MYH15: variants seen among roughly 807,000 people sequenced by gnomAD.
The protein encoded by MYH15 is myosin heavy chain 15.
A neutral mutation model predicts 240.5 loss-of-function variants in MYH15; 227 were observed. The ratio of observed to expected loss-of-function variants is 0.94; its 90% CI spans 0.85 to 1.05. The LOEUF (loss-of-function observed/expected upper bound fraction) is 1.05, where lower values mean the gene tolerates loss of function less well. Among genes scored for constraint, MYH15 ranks in the 50% least tolerant of loss-of-function variants. The probability of loss-of-function intolerance (pLI) is 0.00; values close to 1 mark genes in which losing one functional copy is unlikely to be tolerated. For missense variants in MYH15, 2,217 were observed against 2,247.5 expected, an observed-to-expected ratio of 0.99 and a Z score of 0.27; for synonymous variants, 785 against 796.7, an observed-to-expected ratio of 0.99 and a Z score of 0.25.
chr3:108,505,392 T>C (rs926872601), intron 2 of MYH15, among the ~76,000 whole-genome samples: 4 of 151,974 alleles, frequency 2.6e-5, no homozygotes, highest in African/African-American at 9.7e-5. Context: ...ACCTCAGCCT[T>C]CCAAGTAGCT....
chr3:108,386,436 T>C (rs2082384622), intron 38 of MYH15, among the ~76,000 whole-genome samples: 1 of 152,110 alleles, frequency 6.6e-6, no homozygotes, highest in Non-Finnish European at 1.5e-5. Flanking sequence ...CTGCAGTGCC[T>C]TTGGGACCCG....
At chr3:108,397,698 G>A (rs1035950609) in intron 35 of MYH15, among the ~76,000 whole-genome samples, 5 of 152,176 alleles carry the variant, frequency 3.3e-5, no homozygotes, top group Non-Finnish European at 7.3e-5. Flanking sequence ...CTTGCTTCGT[G>A]TCACTTACAT....
chr3:108,486,787 T>TA (rs3054263), intron 9 of MYH15, among the ~76,000 whole-genome samples: 60 of 150,384 alleles, frequency 4.0e-4, no homozygotes, highest in East Asian at 1.7e-3. Flanking sequence ...TCAATTGGTG[T>TA]AAAAAAAAAC....
chr3:108,417,836 CTT>C (rs2082647194), intron 28 of MYH15, among the ~76,000 whole-genome samples: 2 of 151,596 alleles, frequency 1.3e-5, no homozygotes, highest in African/African-American at 4.8e-5. Flanking sequence ...CATATACACA[CTT>C]AAACACACAC....
At chr3:108,500,925 GA>G (rs1553773009) in intron 3 of MYH15, among the ~76,000 whole-genome samples, 1 of 152,170 alleles carries the variant, frequency 6.6e-6, no homozygotes, top group Non-Finnish European at 1.5e-5. Flanking sequence ...AGGAATGCTA[GA>G]GCCGCTAGAA....
chr3:108,431,186 A>T (rs2082776323), intron 25 of MYH15, among the ~76,000 whole-genome samples: 1 of 152,250 alleles, frequency 6.6e-6, no homozygotes, highest in Non-Finnish European at 1.5e-5. Flanking sequence ...TTGTTTAATT[A>T]TGTTTTAAAT....
At position 108,416,769 on chromosome 3, in the gene MYH15, A is replaced by C. The variant is rs76696600; in HGVS notation, c.3948+43T>G. 1.4e-5 allele frequency: 16 copies of C among 1,172,492 alleles called. 1 individual carries two copies. The highest frequency in any genetic ancestry group is 1.8e-5 in the Non-Finnish European group (15 of 821,748). 72.6% of individuals were successfully genotyped at this position (1,172,492 alleles called of 1,614,324 possible). On this transcript the variant is annotated intron_variant, in intron 29 of 40. Transcript: ENST00000693548. ...TCAAGCACTATTTTTTAAAAAAAAAAACACACAGTCAAGAAACTAGTGAGA... is the reference window on the plus strand; with the variant it reads ...TCAAGCACTATTTTTTAAAAAAAAACACACACAGTCAAGAAACTAGTGAGA...
chr3:108,484,233 T>C (rs2107595211), intron 11 of MYH15, among the ~76,000 whole-genome samples: 1 of 152,306 alleles, frequency 6.6e-6, no homozygotes. Flanking sequence ...TTCATAATTG[T>C]GGGGATTTAT....
chr3:108,512,051 C>T (rs2083525889), upstream of MYH15, among the ~76,000 whole-genome samples: 1 of 152,120 alleles, frequency 6.6e-6, no homozygotes, highest in South Asian at 2.1e-4. Flanking sequence ...TGTATAGGAA[C>T]ATTTCCTAAA....
intron 31 of MYH15, among the ~76,000 whole-genome samples, chr3:108,409,399 C>T (rs576504880): frequency 1.3e-5 from 2 of 152,308 alleles, no homozygotes; most frequent in South Asian, 2.1e-4. Flanking sequence ...TCAGCAGCAC[C>T]GGCCTCACCT....
At chr3:108,470,262 T>C in intron 13 of MYH15, 50 bp from the exon 14 acceptor site, 1 of 1,367,444 alleles carries the variant, frequency 7.3e-7, no homozygotes, top group South Asian at 1.5e-5. Context: ...AAAATTGAGG[T>C]CCACTTTCAA....
At chr3:108,384,568 G>T in intron 39 of MYH15, 119 bp downstream of exon 39, 2 of 834,920 alleles carry the variant, frequency 2.4e-6, no homozygotes, top group Non-Finnish European at 1.9e-6. Context: ...AGGATGAGCA[G>T]ACTCTAAGCT....
chr3:108,468,616 C>A (rs2083143283), intron 14 of MYH15, among the ~76,000 whole-genome samples: 1 of 152,168 alleles, frequency 6.6e-6, no homozygotes, highest in African/African-American at 2.4e-5. Flanking sequence ...ATCATTTGGT[C>A]AGTAATTTTT....
chr3:108,469,277 G>T (rs985987987), intron 14 of MYH15, among the ~76,000 whole-genome samples: 1 of 152,114 alleles, frequency 6.6e-6, no homozygotes, highest in African/African-American at 2.4e-5. Flanking sequence ...GAAATGAAAG[G>T]CTTCAGACTG....
At chr3:108,445,656 T>C (rs1270814473) in intron 21 of MYH15, among the ~76,000 whole-genome samples, 1 of 152,086 alleles carries the variant, frequency 6.6e-6, no homozygotes, top group Non-Finnish European at 1.5e-5. Context: ...CAATCCAAAG[T>C]TACAAACCAC....
chr3:108,543,096 G>C, the MYH15 span, among the ~76,000 whole-genome samples: 1 of 152,080 alleles, frequency 6.6e-6, no homozygotes, highest in Non-Finnish European at 1.5e-5. Flanking sequence ...GTCCAGGATG[G>C]TCTCGATCTC....
In MYH15 at chr3:108,416,873, T is replaced by C. The variant is rs2082638138; in HGVS notation, c.3887A>G (p.Glu1296Gly). The C allele has an allele frequency of 2.5e-6, 4 of 1,614,102 alleles. No homozygotes were observed. The highest frequency in any genetic ancestry group is 2.5e-6 in the Non-Finnish European group (3 of 1,179,998). The change falls in exon 29 of 41, where the codon GAA (glutamate) becomes GGA (glycine). Residue 1296 changes from glutamate (E) to glycine (G), a missense_variant. Glu to Gly is a moderately conservative substitution (Grantham distance 98). Transcript: ENST00000693548. The stretch of plus-strand genomic sequence containing the variant: ...AATCTGCCGAGTGAAGTTGCTCTTT[T>C]CCCTGGAAAGTTGGTTTATCAGAGC... ...KEALINQLSR[E>G]KSNFTRQIED...
chr3:108,410,629 G>A lies in MYH15; in HGVS notation c.4449C>T (p.Ser1483=), dbSNP rs772225582. Residue 1483 remains serine, a synonymous_variant, in exon 31 of 41, where the codon AGC becomes AGT. Coordinates refer to ENST00000693548, the MANE Select transcript of MYH15 (RefSeq NM_014981.3). The part of the protein sequence containing the change: ...LLKLKNTYEE[S]IVGQETLRRE... ...TCCTGAGTGTCTCCTGGCCCACGAT[G>A]CTCTCCTCATAGGTGTTCTTGAGCT... The A allele has an allele frequency of 6.2e-7, 1 of 1,608,742 alleles. No homozygotes were observed. The highest frequency in any genetic ancestry group is 1.7e-5 in the Admixed American group (1 of 59,896).
rs72941723 is a variant in MYH15, at chr3:108,483,867, T to C, written c.1114+1224A>G. Among the ~76,000 whole-genome samples the C allele has an allele frequency of 9.2e-3, 1,406 of 152,332 alleles. 23 individuals carry two copies. Among genetic ancestry groups the C allele is most frequent in the African/African-American group, 0.032 (1,325 of 41,576 alleles). On this transcript the variant is annotated intron_variant, in intron 11 of 40. Coordinates refer to ENST00000693548, the MANE Select transcript of MYH15 (RefSeq NM_014981.3). ...AGGTCAAATATTGTATGATTACACT[T>C]ACATAAGGTGTCTAGAGTCAGAAGG...
Sources: gnomAD v4.1 joint callset for allele counts (sites outside exome capture counted in the v4.1 genomes callset) on GRCh38, gnomAD v4.1.1 for gene constraint, MANE v1.5 for transcripts, NCBI Gene and HGNC (gene_info 2026-07-23, HGNC 2026-07-21) for gene names.